The following RARB variants were observed in gnomAD, a reference collection of about 807,000 sequenced individuals.
The protein encoded by RARB is HBV-activated protein.
Under a neutral mutation model 51.9 loss-of-function variants are expected in RARB, and 17 were observed. The ratio of observed to expected loss-of-function variants is 0.33; its 90% CI spans 0.22 to 0.49. RARB has a LOEUF of 0.49. Among genes scored for constraint, RARB ranks in the 20% least tolerant of loss-of-function variants. The probability of loss-of-function intolerance (pLI) is 0.99; values close to 1 mark genes in which losing one functional copy is unlikely to be tolerated. For synonymous variants in RARB, 215 were observed against 195.4 expected (o/e 1.10, Z -0.84); for missense variants, 369 against 550.8 (o/e 0.67, Z 3.30).
chr3:25,049,413 A>G (rs6786779), intron 2 of RARB, among the ~76,000 whole-genome samples: 116,329 of 152,144 alleles, frequency 0.76, 44,682 homozygotes, highest in East Asian at 0.92. Context: ...ATATGGTAGA[A>G]TATGTATGCT....
intron 5 of RARB, among the ~76,000 whole-genome samples, chr3:25,226,970 T>C (rs1417756685): frequency 6.6e-6 from 1 of 152,210 alleles, no homozygotes; most frequent in Non-Finnish European, 1.5e-5. Context: ...AAGATGATAA[T>C]TGTTTATTTA....
intron 5 of RARB, among the ~76,000 whole-genome samples, chr3:25,349,183 T>A (rs1252529255): frequency 6.6e-6 from 1 of 152,228 alleles, no homozygotes; most frequent in African/African-American, 2.4e-5. Flanking sequence ...TCTTTGTGAA[T>A]GCAGCTGACA....
intron 2 of RARB, among the ~76,000 whole-genome samples, chr3:24,935,329 A>G (rs1695527335): frequency 6.6e-6 from 1 of 152,156 alleles, no homozygotes; most frequent in Non-Finnish European, 1.5e-5. Flanking sequence ...TTCCTTCCCT[A>G]GTATATGACC....
intron 2 of RARB, among the ~76,000 whole-genome samples, chr3:25,037,717 G>A (rs751185725): frequency 2.0e-5 from 3 of 151,966 alleles, no homozygotes; most frequent in Non-Finnish European, 4.4e-5. Context: ...AGACAGAATT[G>A]CTGCCCTCAT....
chr3:25,588,268 C>A (rs1701480071), intron 5 of RARB, among the ~76,000 whole-genome samples: 1 of 152,190 alleles, frequency 6.6e-6, no homozygotes, highest in African/African-American at 2.4e-5. Context: ...AGAGAATATT[C>A]TGTATGATTC....
At chr3:25,113,999 G>C in intron 3 of RARB, among the ~76,000 whole-genome samples, 1 of 152,170 alleles carries the variant, frequency 6.6e-6, no homozygotes, top group South Asian at 2.1e-4. Context: ...AACCCAAAAA[G>C]TTTGAGAGAT....
chr3:25,342,066 C>G (rs1705245768), intron 5 of RARB, among the ~76,000 whole-genome samples: 1 of 152,052 alleles, frequency 6.6e-6, no homozygotes, highest in Admixed American at 6.6e-5. Context: ...ATAGTAGATC[C>G]TCAATAAATA....
intron 3 of RARB, among the ~76,000 whole-genome samples, chr3:25,525,752 A>T (rs73822918): frequency 0.012 from 1,894 of 152,266 alleles, 50 homozygotes; most frequent in African/African-American, 0.044. Flanking sequence ...TGTAAATATA[A>T]ATATGAAGCT....
chr3:25,186,665 A>T (rs1393592153), intron 5 of RARB, among the ~76,000 whole-genome samples: 3 of 152,132 alleles, frequency 2.0e-5, no homozygotes, highest in African/African-American at 4.8e-5. Context: ...GAATGAAATG[A>T]TAATGAATGA....
rs1702957702 is a variant in RARB, at chr3:25,260,004, G to C, written c.178+85429G>C. On this transcript the variant is annotated intron_variant, in intron 5 of 11. Transcript: ENST00000383772. ...GCCAGCCTTTTACTCTCCTCAGTTT[G>C]TTTTTGAAACGTTTTTCCCCTTTCT... 5 of 985,076 alleles carry C rather than the reference G, an allele frequency of 5.1e-6. No homozygotes were observed. The South Asian group carries it at 2.3e-4, about 46-fold the overall frequency. 61.0% of individuals were successfully genotyped at this position (985,076 alleles called of 1,614,324 possible). A position where few individuals can be genotyped will look rare whatever the true frequency, so the allele number is the denominator to read the frequency against.
chr3:25,259,210 C>A, intron 5 of RARB: 1 of 529,222 alleles, frequency 1.9e-6, no homozygotes, highest in Non-Finnish European at 2.4e-6. Flanking sequence ...CTCGTTTCCA[C>A]CAATGATTAG....
chr3:25,128,091 T>G (rs1283686052), intron 3 of RARB, among the ~76,000 whole-genome samples: 1 of 152,092 alleles, frequency 6.6e-6, no homozygotes, highest in Non-Finnish European at 1.5e-5. Flanking sequence ...AAGAATAAAG[T>G]ACTCTGGTTC....
chr3:25,398,192 CT>C lies in RARB; in HGVS notation c.179-62998del, dbSNP rs372639047. On this transcript the variant is annotated intron_variant, in intron 5 of 11. Transcript: ENST00000383772. The stretch of plus-strand genomic sequence containing the variant: ...CAGCTAAAAGAGATGTAAACAGACA[CT>C]TTCCCATCCCTCTGAGAACATAAAA... 1.9e-4 allele frequency among the ~76,000 whole-genome samples: 29 copies of C among 152,250 alleles called. No individual in the cohort carries two copies. In the South Asian group the frequency reaches 2.5e-3, roughly 13 times the overall value.
At chr3:24,974,095 T>C (rs1696458457) in intron 2 of RARB, among the ~76,000 whole-genome samples, 1 of 152,052 alleles carries the variant, frequency 6.6e-6, no homozygotes, top group South Asian at 2.1e-4. Context: ...GTTTGTCATA[T>C]ATGGCCCTTA....
At chr3:25,262,493 T>C (rs1241821122) in intron 5 of RARB, among the ~76,000 whole-genome samples, 1 of 152,232 alleles carries the variant, frequency 6.6e-6, no homozygotes, top group Non-Finnish European at 1.5e-5. Context: ...GCAGGGCTCG[T>C]TCCTTTCTGT....
chr3:25,547,057 C>A (rs1034692750), intron 3 of RARB, among the ~76,000 whole-genome samples: 2 of 152,152 alleles, frequency 1.3e-5, no homozygotes, highest in African/African-American at 4.8e-5. Context: ...AGCTTAGCTA[C>A]CTGGTAACAG....
At chr3:25,328,777 A>G (rs1337025307) in intron 5 of RARB, among the ~76,000 whole-genome samples, 1 of 152,194 alleles carries the variant, frequency 6.6e-6, no homozygotes, top group African/African-American at 2.4e-5. Flanking sequence ...TTCCTAGCCA[A>G]GGGAAGCTGT....
Position 25,596,340 on chromosome 3 carries a change from T to TTTTC in RARB, c.1151-80_1151-79insTTTC, listed in dbSNP as rs1408806694. On this transcript the variant is annotated intron_variant, in intron 7 of 7. Coordinates refer to ENST00000330688, the MANE Select transcript of RARB (RefSeq NM_000965.5). ...ATCTTAGGAAACACCTCTGTTAAAA[T>TTTTC]ATATGAAAATTGGTCCCTGGTTATC... 1.8e-4 allele frequency: 204 copies of TTTTC among 1,133,882 alleles called. 2 individuals are homozygous for TTTTC. The African/African-American group carries it at 2.6e-3, about 15-fold the overall frequency. The allele number at this position is 1,133,882 out of a possible 1,614,324, so 70.2% of individuals were successfully genotyped here. A position where few individuals can be genotyped will look rare whatever the true frequency, so the allele number is the denominator to read the frequency against.
intron 2 of RARB, among the ~76,000 whole-genome samples, chr3:25,490,378 T>C (rs969783150): frequency 3.9e-5 from 6 of 152,368 alleles, no homozygotes; most frequent in Admixed American, 1.3e-4. Context: ...CTTTGAATTA[T>C]GCAATATGCA....
Sources: gnomAD v4.1 joint callset for allele counts (sites outside exome capture counted in the v4.1 genomes callset) on GRCh38, gnomAD v4.1.1 for gene constraint, MANE v1.5 for transcripts, NCBI Gene and HGNC (gene_info 2026-07-23, HGNC 2026-07-21) for gene names.